The following FPGT variants were observed in gnomAD, a reference collection of about 807,000 sequenced individuals.
The protein encoded by FPGT is GDP-L-fucose diphosphorylase.
Under a neutral mutation model 45.8 loss-of-function variants are expected in FPGT, and 41 were observed. That is an observed-to-expected ratio of 0.90 (90% CI 0.70 to 1.16). The LOEUF (loss-of-function observed/expected upper bound fraction) is 1.16. Among genes scored for constraint, FPGT ranks in the 50% most tolerant of loss-of-function variants. The pLI is 0.00. For synonymous variants in FPGT, 292 were observed against 247.2 expected, an observed-to-expected ratio of 1.18 and a Z score of -1.70; for missense variants, 755 against 689.1, an observed-to-expected ratio of 1.10 and a Z score of -1.07.
In FPGT at chr1:74,204,854, C is replaced by A. The variant is rs764398904; in HGVS notation, c.807C>A (p.Tyr269Ter). 2 of 1,613,542 alleles carry A rather than the reference C, an allele frequency of 1.2e-6. No homozygotes were observed. Among genetic ancestry groups the A allele is most frequent in the Non-Finnish European group, 1.7e-6 (2 of 1,180,004 alleles). ...TTAAATTAGACTCTGACTATGTCTA[C>A]ACAGATAGCCTATTTTATATGGATC... ...ADLKLDSDYVYTDSLFYMDHK... is the reference protein window; with the variant it reads ...ADLKLDSDYV Residue 269 changes from tyrosine (Y) to a stop codon, truncating the protein, a stop_gained, in exon 4 of 4, where the codon TAC (tyrosine) becomes TAA (stop). Coordinates refer to ENST00000370898, the MANE Select transcript of FPGT (RefSeq NM_003838.5). LOFTEE classifies it high-confidence loss of function.
At position 74,199,786 on chromosome 1, in the gene FPGT, G is replaced by A. The variant is rs1326962378; in HGVS notation, c.205G>A (p.Gly69Arg). The change falls in exon 2 of 4, where the codon GGA becomes AGA. Residue 69 changes from glycine to arginine, a missense_variant. Gly to Arg is a moderately radical substitution (Grantham distance 125, BLOSUM62 -2). Transcript: ENST00000370898. ...EKLKRKELPL[G>R]VQYHVFVDPA... The stretch of plus-strand genomic sequence containing the variant: ...GCTGAAAAGAAAGGAGTTACCCCTT[G>A]GAGTTCAATATCACGTTTTTGTGGA... 1 of 1,614,038 alleles carries A rather than the reference G, an allele frequency of 6.2e-7. No homozygotes were observed. The highest frequency in any genetic ancestry group is 8.5e-7 in the Non-Finnish European group (1 of 1,179,986).
At chr1:74,203,902 C>G (rs1389285128) in intron 3 of FPGT, among the ~76,000 whole-genome samples, 2 of 151,584 alleles carry the variant, frequency 1.3e-5, no homozygotes, top group African/African-American at 4.8e-5. Context: ...ATTAGCCAGG[C>G]GTGGTGGCAG....
At chr1:74,201,295 G>T in intron 2 of FPGT, 23 bp from the exon 3 acceptor site, 1 of 1,589,970 alleles carries the variant, frequency 6.3e-7, no homozygotes, top group Non-Finnish European at 8.6e-7. Context: ...AATAAATTGT[G>T]CTTTTTTAAC....
Position 74,207,325 on chromosome 1 carries a change from CAAAAA to C in FPGT, c.*1496_*1500del, listed in dbSNP as rs1228411707. On this transcript the variant is annotated 3_prime_UTR_variant, in exon 4 of 4. Coordinates refer to ENST00000370898, the MANE Select transcript of FPGT (RefSeq NM_003838.5). ...CCTCTTGCATATACATATAAAATAA[CAAAAA>C]AATAAAATATTGAGATATCATCAAG... is the stretch of plus-strand genomic sequence containing the variant. 1 of 151,774 alleles carries C rather than the reference CAAAAA, an allele frequency of 6.6e-6. No individual in the cohort carries two copies. The highest frequency in any genetic ancestry group is 1.5e-5 in the Non-Finnish European group (1 of 67,864). The allele number at this position is 151,774 out of a possible 1,614,324, so 9.4% of individuals were successfully genotyped here.
In FPGT at chr1:74,204,698, A is replaced by C. The variant is rs1420865104; in HGVS notation, c.651A>C (p.Arg217Ser). The C allele has an allele frequency of 6.2e-7, 1 of 1,613,814 alleles. No individual in the cohort carries two copies. Among genetic ancestry groups the C allele is most frequent in the South Asian group, 1.1e-5 (1 of 91,078 alleles). Residue 217 changes from arginine (R) to serine (S), a missense_variant, in exon 4 of 4, where the codon AGA becomes AGC. Coordinates refer to ENST00000370898, the MANE Select transcript of FPGT (RefSeq NM_003838.5). The part of the protein sequence containing the change: ...VLDPFDDLKH[R>S]DLEYRSCHRF... ...ATCCTTTTGATGATTTAAAACATAG[A>C]GACCTTGAATACAGGTCTTGCCATC...
At position 74,205,058 on chromosome 1, in the gene FPGT, A is replaced by G; in HGVS notation, c.1011A>G (p.Ile337Met). The change falls in exon 4 of 4, where the codon ATA (isoleucine) becomes ATG (methionine). Residue 337 changes from isoleucine to methionine, a missense_variant. Transcript: ENST00000370898. ...ESELVEMRQR[I>M]FHLLKGTSLN... is the part of the protein sequence containing the mutation. ...AGTTGGTAGAAATGAGGCAGAGAAT[A>G]TTTCATCTTCTTAAAGGAACATCAC... 1.2e-6 allele frequency: 2 copies of G among 1,613,638 alleles called. No individual in the cohort carries two copies. The highest frequency in any genetic ancestry group is 1.7e-6 in the Non-Finnish European group (2 of 1,179,670).
In FPGT at chr1:74,205,315, G is replaced by A; in HGVS notation, c.1268G>A (p.Arg423Lys). 6.2e-7 allele frequency: 1 copy of A among 1,614,140 alleles called. No individual in the cohort carries two copies. Among genetic ancestry groups the A allele is most frequent in the Non-Finnish European group, 8.5e-7 (1 of 1,179,994 alleles). Residue 423 changes from arginine to lysine, a missense_variant, in exon 4 of 4, where the codon AGA becomes AAA. By Grantham distance (26) the Arg-to-Lys change is conservative (BLOSUM62 2). Coordinates refer to ENST00000370898, the MANE Select transcript of FPGT (RefSeq NM_003838.5). ...VAPGSVVEYSRLGPDVSVGEN... is the reference protein window; with the variant it reads ...VAPGSVVEYSKLGPDVSVGEN... Reference sequence around the variant, plus strand: ...CCTGGCTCAGTTGTGGAGTATTCCAGATTGGGGCCTGATGTTTCAGTTGGG... The same window carrying A: ...CCTGGCTCAGTTGTGGAGTATTCCAAATTGGGGCCTGATGTTTCAGTTGGG...
chr1:74,207,412 A>G lies in FPGT; in HGVS notation c.*1580A>G, dbSNP rs1652364650. 6.6e-6 allele frequency among the ~76,000 whole-genome samples: 1 copy of G among 152,116 alleles called. No homozygotes were observed. Among genetic ancestry groups the G allele is most frequent in the Non-Finnish European group, 1.5e-5 (1 of 67,962 alleles). On this transcript the variant is annotated 3_prime_UTR_variant, in exon 4 of 4. Coordinates refer to ENST00000370898, the MANE Select transcript of FPGT (RefSeq NM_003838.5). ...AGCACTTTCAGAGCTATTGATATGCATATGTCCACCTAGTACCATCTTCTC... is the reference window on the plus strand; with the variant it reads ...AGCACTTTCAGAGCTATTGATATGCGTATGTCCACCTAGTACCATCTTCTC...
intron 3 of FPGT, among the ~76,000 whole-genome samples, chr1:74,202,155 T>G (rs1418535084): frequency 2.0e-5 from 3 of 152,238 alleles, no homozygotes; most frequent in Non-Finnish European, 4.4e-5. Flanking sequence ...AAGAATAGCT[T>G]TTTAAATTGA....
chr1:74,199,032 A>G (rs113739282), intron 1 of FPGT, among the ~76,000 whole-genome samples: 5 of 152,230 alleles, frequency 3.3e-5, no homozygotes, highest in African/African-American at 1.2e-4. Flanking sequence ...TTGTTTATCA[A>G]TAAAGAGATT....
At chr1:74,203,724 A>G (rs1468272821) in intron 3 of FPGT, among the ~76,000 whole-genome samples, 2 of 151,940 alleles carry the variant, frequency 1.3e-5, no homozygotes, top group Admixed American at 6.5e-5. Context: ...AGAAGTCTAA[A>G]CATGGTTGAA....
In FPGT at chr1:74,204,888, G is replaced by A. The variant is rs1036640491; in HGVS notation, c.841G>A (p.Ala281Thr). The A allele has an allele frequency of 1.2e-6, 2 of 1,613,430 alleles. No homozygotes were observed. Among genetic ancestry groups the A allele is most frequent in the African/African-American group, 2.7e-5 (2 of 74,888 alleles). Residue 281 changes from alanine to threonine, a missense_variant, in exon 4 of 4, where the codon GCA becomes ACA. Ala to Thr is a moderately conservative substitution (Grantham distance 58, BLOSUM62 0). Transcript: ENST00000370898. ...DSLFYMDHKS[A>T]KMLLAFYEKI... ...CCTATTTTATATGGATCATAAATCAGCAAAAATGTTACTTGCTTTTTATGA... is the reference window on the plus strand; with the variant it reads ...CCTATTTTATATGGATCATAAATCAACAAAAATGTTACTTGCTTTTTATGA...
At chr1:74,199,497 C>T (rs1007355867) in intron 1 of FPGT, among the ~76,000 whole-genome samples, 167 bp from the exon 2 acceptor site, 5 of 152,122 alleles carry the variant, frequency 3.3e-5, no homozygotes, top group African/African-American at 9.7e-5. Flanking sequence ...TATTTTGAAT[C>T]GTATTAATGC....
In FPGT at chr1:74,205,907, A is replaced by T; in HGVS notation, c.*75A>T. On this transcript the variant is annotated 3_prime_UTR_variant, in exon 4 of 4. Coordinates refer to ENST00000370898, the MANE Select transcript of FPGT (RefSeq NM_003838.5). Reference sequence around the variant, plus strand: ...ATAGGTATTTTTTGTAGGCTGTTTCACTGAACTCAGTTAATGAAAACTGTA... The same window carrying T: ...ATAGGTATTTTTTGTAGGCTGTTTCTCTGAACTCAGTTAATGAAAACTGTA... 1.2e-6 allele frequency: 1 copy of T among 804,200 alleles called. No homozygotes were observed. The highest frequency in any genetic ancestry group is 1.7e-5 in the African/African-American group (1 of 59,034). The allele number at this position is 804,200 out of a possible 1,614,324, so 49.8% of individuals were successfully genotyped here.
Position 74,207,838 on chromosome 1 carries a change from A to G in FPGT, c.*2006A>G, listed in dbSNP as rs887438119. Among the ~76,000 whole-genome samples, 5 of 152,040 alleles carry G rather than the reference A, an allele frequency of 3.3e-5. No homozygotes were observed. Among genetic ancestry groups the G allele is most frequent in the Non-Finnish European group, 5.9e-5 (4 of 67,956 alleles). ...TTACAGAGCGTTCAGAGGATGTTAT[A>G]TGTTTATTAAGTGCTCAATACTGTA... On this transcript the variant is annotated 3_prime_UTR_variant, in exon 4 of 4. Coordinates refer to ENST00000370898, the MANE Select transcript of FPGT (RefSeq NM_003838.5).
Position 74,198,244 on chromosome 1 carries a change from G to T in FPGT, c.-35G>T. ...CGGAGGCGCACCCCAGGGCGCATGC[G>T]TGCTGTGCGGCGCGGTCTCAGGGAA... On this transcript the variant is annotated 5_prime_UTR_variant, in exon 1 of 4. Transcript: ENST00000370898. The T allele has an allele frequency of 1.9e-6, 3 of 1,609,248 alleles. No individual in the cohort carries two copies. Among genetic ancestry groups the T allele is most frequent in the Non-Finnish European group, 2.5e-6 (3 of 1,177,306 alleles).
Position 74,204,392 on chromosome 1 carries a change from T to G in FPGT, c.345T>G (p.Gly115=). ...GGTTATTTCGTTTTAATTTTATAGG[T>G]GGCTACAGTCAACGACTTCCAAATG... ...NSFTILLIHS[G]GYSQRLPNAS... is the part of the protein sequence containing the mutation. The change falls in exon 4 of 4, where the codon GGT becomes GGG. Residue 115 remains glycine, a splice_region_variant and synonymous_variant. Transcript: ENST00000370898. 1 of 1,553,628 alleles carries G rather than the reference T, an allele frequency of 6.4e-7. No individual in the cohort carries two copies.
Position 74,198,302 on chromosome 1 carries a change from G to C in FPGT, c.24G>C (p.Pro8=). 1 of 1,614,140 alleles carries C rather than the reference G, an allele frequency of 6.2e-7. No homozygotes were observed. The highest frequency in any genetic ancestry group is 8.5e-7 in the Non-Finnish European group (1 of 1,180,038). The change falls in exon 1 of 4, where the codon CCG becomes CCC. Residue 8 remains proline (P), a synonymous_variant. Coordinates refer to ENST00000370898, the MANE Select transcript of FPGT (RefSeq NM_003838.5). ...CTATGGCAGCTGCTAGGGACCCTCC[G>C]GAAGTATCGCTGCGAGAAGCCACCC... MAAARDP[P]EVSLREATQR...
rs764620870 is a variant in FPGT, at chr1:74,204,966, G to T, written c.919G>T (p.Ala307Ser). The change falls in exon 4 of 4, where the codon GCT becomes TCT. Residue 307 changes from alanine to serine, a missense_variant. Coordinates refer to ENST00000370898, the MANE Select transcript of FPGT (RefSeq NM_003838.5). ...EIDAYGDFLQ[A>S]LGPGATVEYT... ...AGATGCCTATGGTGACTTTCTGCAGGCTTTGGGACCTGGAGCAACTGTGGA... is the reference window on the plus strand; with the variant it reads ...AGATGCCTATGGTGACTTTCTGCAGTCTTTGGGACCTGGAGCAACTGTGGA... 5.0e-6 allele frequency: 8 copies of T among 1,613,964 alleles called. No homozygotes were observed. In the Admixed American group the frequency reaches 1.2e-4, roughly 24 times the overall value.
Sources: allele counts gnomAD v4.1 joint callset (sites outside exome capture counted in the v4.1 genomes callset), GRCh38; gene constraint gnomAD v4.1.1; transcripts MANE v1.5; gene names NCBI Gene and HGNC (gene_info 2026-07-23, HGNC 2026-07-21).